MTREX: variants seen among roughly 807,000 people sequenced by gnomAD.
MTREX encodes Mtr4 exosome RNA helicase.
A neutral mutation model predicts 135.4 loss-of-function variants in MTREX; 76 were observed. The ratio of observed to expected loss-of-function variants is 0.56; its 90% CI spans 0.47 to 0.68. The LOEUF is 0.68. MTREX is among the 30% of genes least tolerant of loss of function. MTREX has a pLI of 0.00. For synonymous variants in MTREX, 404 were observed against 401.6 expected, an observed-to-expected ratio of 1.01 and a Z score of -0.07; for missense variants, 920 against 1,262.1, an observed-to-expected ratio of 0.73 and a Z score of 4.11.
chr5:55,346,998 T>G lies in MTREX; in HGVS notation c.1109-15T>G. ...TTTTGAGTTAATTTTGGTGTGTTGT[T>G]TACTGTTTTTGCAGGACCATCAAAT... On this transcript the variant is annotated splice_polypyrimidine_tract_variant and intron_variant, in intron 10 of 26. Transcript: ENST00000230640. The G allele has an allele frequency of 6.3e-7, 1 of 1,595,436 alleles. No homozygotes were observed. Among genetic ancestry groups the G allele is most frequent in the Non-Finnish European group, 8.5e-7 (1 of 1,173,450 alleles).
chr5:55,320,963 G>A (rs1357127115), intron 1 of MTREX, among the ~76,000 whole-genome samples: 1 of 152,156 alleles, frequency 6.6e-6, no homozygotes, highest in African/African-American at 2.4e-5. Context: ...ACAGAAACAG[G>A]TGAATCCTGC....
intron 19 of MTREX, among the ~76,000 whole-genome samples, chr5:55,393,684 G>A (rs1561206908): frequency 6.6e-6 from 1 of 152,170 alleles, no homozygotes; most frequent in Non-Finnish European, 1.5e-5. Context: ...TCCACTGATT[G>A]CTCACATGGT....
intron 23 of MTREX, 37 bp from the exon 24 acceptor site, chr5:55,414,145 G>C: frequency 6.9e-7 from 1 of 1,457,218 alleles, no homozygotes; most frequent in Non-Finnish European, 9.2e-7. Context: ...AACTTTAAAC[G>C]TGGGTTTTTA....
In MTREX at chr5:55,340,157, G is replaced by A. The variant is rs142953160; in HGVS notation, c.663G>A (p.Thr221=). 6.9e-6 allele frequency: 11 copies of A among 1,593,698 alleles called. No homozygotes were observed. The highest frequency in any genetic ancestry group is 3.5e-5 in the Admixed American group (2 of 56,766). ...CTGGTGATGTTACTATTAATCCTAC[G>A]GCATCTTGTCTTGTTATGACCACAG... The part of the protein sequence containing the change: ...LMTGDVTINP[T]ASCLVMTTEI... The change falls in exon 6 of 27, where the codon ACG becomes ACA. Residue 221 remains threonine, a synonymous_variant. Transcript: ENST00000230640.
At chr5:55,336,130 T>C (rs558507787) in intron 5 of MTREX, among the ~76,000 whole-genome samples, 11 of 152,318 alleles carry the variant, frequency 7.2e-5, no homozygotes, top group Admixed American at 6.5e-4. Context: ...CCTTAAGTTT[T>C]ATTAACTTTT....
At chr5:55,313,272 A>C (rs1749144880) in intron 1 of MTREX, among the ~76,000 whole-genome samples, 2 of 138,748 alleles carry the variant, frequency 1.4e-5, no homozygotes, top group Admixed American at 7.0e-5. Flanking sequence ...CCCTGTCTCT[A>C]CAAAAAAAAA....
chr5:55,359,772 C>A (rs901149940), intron 15 of MTREX, among the ~76,000 whole-genome samples: 1 of 152,112 alleles, frequency 6.6e-6, no homozygotes, highest in Non-Finnish European at 1.5e-5. Context: ...GTGGAAAGAA[C>A]AGAATCGGAT....
At chr5:55,370,000 C>G (rs973907773) in intron 16 of MTREX, among the ~76,000 whole-genome samples, 1 of 151,830 alleles carries the variant, frequency 6.6e-6, no homozygotes, top group African/African-American at 2.4e-5. Flanking sequence ...CTCGGCTCAC[C>G]CCAACCTCCA....
chr5:55,325,295 G>C (rs1399491298), intron 3 of MTREX, among the ~76,000 whole-genome samples: 1 of 148,384 alleles, frequency 6.7e-6, no homozygotes, highest in African/African-American at 2.5e-5. Context: ...TTCAGGAGGT[G>C]GTACATATAT....
chr5:55,314,953 A>T (rs1749175229), intron 1 of MTREX, among the ~76,000 whole-genome samples: 1 of 152,312 alleles, frequency 6.6e-6, no homozygotes, highest in Middle Eastern at 3.4e-3. Context: ...AGCTCAGGTG[A>T]TAATGTTCAC....
intron 14 of MTREX, among the ~76,000 whole-genome samples, chr5:55,355,351 A>G (rs1236814341): frequency 3.3e-5 from 5 of 152,124 alleles, no homozygotes; most frequent in African/African-American, 1.2e-4. Context: ...ATGGAATCCT[A>G]ATGGTGAACC....
At chr5:55,417,217 G>A (rs1194215256) in intron 25 of MTREX, among the ~76,000 whole-genome samples, 1 of 152,226 alleles carries the variant, frequency 6.6e-6, no homozygotes, top group Admixed American at 6.5e-5. Context: ...TTTGAATTCT[G>A]TATTCTGTTA....
At chr5:55,393,855 A>G (rs1479532948) in intron 19 of MTREX, among the ~76,000 whole-genome samples, 2 of 152,222 alleles carry the variant, frequency 1.3e-5, no homozygotes, top group Admixed American at 6.5e-5. Flanking sequence ...CATGACAACT[A>G]TTCATTCAAT....
intron 16 of MTREX, 120 bp downstream of exon 16, chr5:55,366,995 G>T: frequency 1.4e-6 from 1 of 690,130 alleles, no homozygotes; most frequent in Non-Finnish European, 2.4e-6. Context: ...CATACGTAAT[G>T]GACTGCACAA....
At chr5:55,409,679 C>T (rs1750857054) in intron 22 of MTREX, among the ~76,000 whole-genome samples, 1 of 152,146 alleles carries the variant, frequency 6.6e-6, no homozygotes, top group Admixed American at 6.6e-5. Context: ...TAAGCTAGAA[C>T]TTAAAAGAGA....
intron 16 of MTREX, among the ~76,000 whole-genome samples, chr5:55,371,387 T>C (rs1750194636): frequency 6.6e-6 from 1 of 152,194 alleles, no homozygotes; most frequent in African/African-American, 2.4e-5. Context: ...TACACTGTTA[T>C]ACACTATATT....
rs201427175 is a variant in MTREX at position 55,309,427 on chromosome 5, TGTTA to T, written c.134+1285_134+1288del. Among the ~76,000 whole-genome samples the T allele has an allele frequency of 2.6e-5, 4 of 152,282 alleles. No individual in the cohort carries two copies. In the South Asian group the frequency reaches 6.2e-4, roughly 24 times the overall value. Reference sequence around the variant, plus strand: ...AGTGAGAAAGTAAATTAGGAAATTATGTTAGTTATCTGGTTGTAAAGATGAAAAG... The same window carrying T: ...AGTGAGAAAGTAAATTAGGAAATTATGTTATCTGGTTGTAAAGATGAAAAG... On this transcript the variant is annotated intron_variant, in intron 1 of 26. Transcript: ENST00000230640.
intron 15 of MTREX, among the ~76,000 whole-genome samples, chr5:55,362,136 G>A (rs1750024422): frequency 8.8e-6 from 1 of 114,014 alleles, no homozygotes; most frequent in Non-Finnish European, 1.7e-5. Context: ...GTTTTGCCAT[G>A]TTGCTAAGGC....
At chr5:55,369,112 T>C (rs1750153994) in intron 16 of MTREX, among the ~76,000 whole-genome samples, 1 of 150,690 alleles carries the variant, frequency 6.6e-6, no homozygotes. Flanking sequence ...GTATTAATAA[T>C]AAATTTTATT....
Sources: allele counts gnomAD v4.1 joint callset (sites outside exome capture counted in the v4.1 genomes callset), GRCh38; gene constraint gnomAD v4.1.1; transcripts MANE v1.5; gene names NCBI Gene and HGNC (gene_info 2026-07-23, HGNC 2026-07-21).